The following ASB6 variants were observed in gnomAD, a reference collection of about 807,000 sequenced individuals.
ASB6 encodes ankyrin repeat and SOCS box containing 6, also known as ankyrin repeat and SOCS box protein 6.
Under a neutral mutation model 28.6 loss-of-function variants are expected in ASB6, and 24 were observed. That is an observed-to-expected ratio of 0.84 (90% CI 0.61 to 1.18). ASB6 has a LOEUF of 1.18. Among genes scored for constraint, ASB6 ranks in the 50% most tolerant of loss-of-function variants. ASB6 has a pLI of 0.00. For missense variants in ASB6, 519 were observed against 559.8 expected (o/e 0.93, Z 0.74); for synonymous variants, 267 against 243.4 (o/e 1.10, Z -0.90).
intron 2 of ASB6, 69 bp downstream of exon 2, chr9:129,640,472 G>T: frequency 6.5e-7 from 1 of 1,538,118 alleles, no homozygotes. Flanking sequence ...CCAAGGCTGG[G>T]GACATGGGCG....
Position 129,637,904 on chromosome 9 carries a change from C to T in ASB6, c.1152G>A (p.Arg384=). The change falls in exon 6 of 6, where the codon CGG becomes CGA. Residue 384 remains arginine, a synonymous_variant. Transcript: ENST00000277458. ...CCACAGGCCACGGCTGAAGGTAGAG[C>T]CGGATGGCCACACGGCACAGGTGCT... ...PLKHLCRVAI[R]LYLQPWPVDV... The T allele has an allele frequency of 6.3e-7, 1 of 1,579,930 alleles. No individual in the cohort carries two copies. The highest frequency in any genetic ancestry group is 1.2e-5 in the South Asian group (1 of 85,286).
Position 129,635,544 on chromosome 9 carries a change from C to A in ASB6, c.*2246G>T. The stretch of plus-strand genomic sequence containing the variant: ...AGCTGGGCAAGATCCAGGCGCCACG[C>A]TGGCGGTTCGTGAGTGTCGAGGCAC... On this transcript the variant is annotated 3_prime_UTR_variant, in exon 6 of 6. Coordinates refer to ENST00000277458, the MANE Select transcript of ASB6 (RefSeq NM_017873.4). 6.6e-7 allele frequency: 1 copy of A among 1,510,018 alleles called. No homozygotes were observed. Among genetic ancestry groups the A allele is most frequent in the African/African-American group, 1.4e-5 (1 of 72,668 alleles). 93.5% of individuals were successfully genotyped at this position (1,510,018 alleles called of 1,614,324 possible).
At chr9:129,639,541 A>G (rs1446960828) in intron 2 of ASB6, 33 bp from the exon 3 acceptor site, 1 of 1,581,618 alleles carries the variant, frequency 6.3e-7, no homozygotes, top group Admixed American at 1.7e-5. Context: ...TGTGGGTCCT[A>G]TCTGTCCGCA....
Position 129,637,698 on chromosome 9 carries a change from A to T in ASB6, c.*92T>A. On this transcript the variant is annotated 3_prime_UTR_variant, in exon 6 of 6. Transcript: ENST00000277458. ...TGAAGGATCCCGTCTCATCTCCCAGATCAAAAAGACCCTCTTCTAATGCTG... is the reference window on the plus strand; with the variant it reads ...TGAAGGATCCCGTCTCATCTCCCAGTTCAAAAAGACCCTCTTCTAATGCTG... 7.6e-7 allele frequency: 1 copy of T among 1,310,642 alleles called. No individual in the cohort carries two copies. Among genetic ancestry groups the T allele is most frequent in the Non-Finnish European group, 1.0e-6 (1 of 984,144 alleles). 81.2% of individuals were successfully genotyped at this position (1,310,642 alleles called of 1,614,324 possible).
Position 129,638,426 on chromosome 9 carries a change from C to T in ASB6, c.630G>A (p.Gly210=). The change falls in exon 6 of 6, where the codon GGG becomes GGA. Residue 210 remains glycine, a synonymous_variant. Coordinates refer to ENST00000277458, the MANE Select transcript of ASB6 (RefSeq NM_017873.4). ...GADVKATTKD[G]DTVFTCIIFL... is the part of the protein sequence containing the mutation. ...AGATGATGCAGGTGAACACTGTGTC[C>T]CCATCTTTGGTGGTGGCCTTGACGT... The T allele has an allele frequency of 1.2e-6, 2 of 1,612,264 alleles. No individual in the cohort carries two copies. Among genetic ancestry groups the T allele is most frequent in the Non-Finnish European group, 1.7e-6 (2 of 1,178,770 alleles).
chr9:129,638,326 G>A lies in ASB6; in HGVS notation c.730C>T (p.Arg244Trp), dbSNP rs978834732. ...TCGGCCCCGTGTGCCAGCAGCAGCC[G>A]TGTGACTTGGAAGCAGAAGCGGTTG... ...MINRFCFQVT[R>W]LLLAHGADPS... is the part of the protein sequence containing the mutation. Residue 244 changes from arginine (R) to tryptophan (W), a missense_variant, in exon 6 of 6, where the codon CGG becomes TGG. Physicochemically the swap from Arg to Trp is moderately radical, Grantham distance 101. Transcript: ENST00000277458. 15 of 1,612,822 alleles carry A rather than the reference G, an allele frequency of 9.3e-6. No individual in the cohort carries two copies. The highest frequency in any genetic ancestry group is 1.3e-5 in the African/African-American group (1 of 75,032).
At chr9:129,641,547 T>C (rs183390390) in intron 1 of ASB6, among the ~76,000 whole-genome samples, 1 of 152,330 alleles carries the variant, frequency 6.6e-6, no homozygotes, top group Admixed American at 6.5e-5. Flanking sequence ...CACACTGCTC[T>C]GGGGTAACAT....
At position 129,638,264 on chromosome 9, in the gene ASB6, G is replaced by A; in HGVS notation, c.792C>T (p.His264=). 6.2e-7 allele frequency: 1 copy of A among 1,613,526 alleles called. No individual in the cohort carries two copies. Among genetic ancestry groups the A allele is most frequent in the Non-Finnish European group, 8.5e-7 (1 of 1,180,016 alleles). The stretch of plus-strand genomic sequence containing the variant: ...GCAGTTTAAAGCTCTTCAGGCAGAT[G>A]TGGGTGAGGGACTCGTGGGCTGGGC... The part of the protein sequence containing the change: ...SECPAHESLT[H]ICLKSFKLHF... The change falls in exon 6 of 6, where the codon CAC becomes CAT. Residue 264 remains histidine, a synonymous_variant. Transcript: ENST00000277458.
chr9:129,638,591 G>C lies in ASB6; in HGVS notation c.580C>G (p.Arg194Gly), dbSNP rs761792727. 9 of 1,614,000 alleles carry C rather than the reference G, an allele frequency of 5.6e-6. No individual in the cohort carries two copies. In the South Asian group the frequency reaches 8.8e-5, roughly 16 times the overall value. ...GVQIHNTENI[R>G]LLLEGGADVK... ...GCCTCACCTCCTTCCAGTAAGAGAC[G>C]AATGTTCTCAGTATTGTGGATCTGC... The change falls in exon 5 of 6, where the codon CGT becomes GGT. Residue 194 changes from arginine to glycine, a missense_variant. Physicochemically the swap from Arg to Gly is moderately radical, Grantham distance 125. Coordinates refer to ENST00000277458, the MANE Select transcript of ASB6 (RefSeq NM_017873.4).
rs1831446679 is a variant in ASB6, at chr9:129,635,018, T to C, written c.*2772A>G. 3.0e-6 allele frequency: 2 copies of C among 668,872 alleles called. No homozygotes were observed. Among genetic ancestry groups the C allele is most frequent in the Non-Finnish European group, 5.0e-6 (2 of 399,516 alleles). 41.4% of individuals were successfully genotyped at this position (668,872 alleles called of 1,614,324 possible). On this transcript the variant is annotated 3_prime_UTR_variant, in exon 6 of 6. Transcript: ENST00000277458. ...AATGTGTCTTTAGGTAGATGACCTC[T>C]GAGCCACAGTTTCCTATTCTATGAA...
Position 129,638,262 on chromosome 9 carries a change from A to G in ASB6, c.794T>C (p.Ile265Thr). The G allele has an allele frequency of 6.2e-7, 1 of 1,613,554 alleles. No individual in the cohort carries two copies. Among genetic ancestry groups the G allele is most frequent in the African/African-American group, 1.3e-5 (1 of 75,040 alleles). The change falls in exon 6 of 6, where the codon ATC (isoleucine) becomes ACC (threonine). Residue 265 changes from isoleucine (I) to threonine (T), a missense_variant. Transcript: ENST00000277458. The stretch of plus-strand genomic sequence containing the variant: ...GTGCAGTTTAAAGCTCTTCAGGCAG[A>G]TGTGGGTGAGGGACTCGTGGGCTGG... ...ECPAHESLTH[I>T]CLKSFKLHFP... is the part of the protein sequence containing the mutation.
chr9:129,637,750 T>G lies in ASB6; in HGVS notation c.*40A>C, dbSNP rs1831589933. On this transcript the variant is annotated 3_prime_UTR_variant, in exon 6 of 6. Coordinates refer to ENST00000277458, the MANE Select transcript of ASB6 (RefSeq NM_017873.4). ...CCCAGCATCTACCAACAGGCTGACCTGAGCTGCCCGTGTCCCCCGTTCCTG... is the reference window on the plus strand; with the variant it reads ...CCCAGCATCTACCAACAGGCTGACCGGAGCTGCCCGTGTCCCCCGTTCCTG... 8 of 1,475,716 alleles carry G rather than the reference T, an allele frequency of 5.4e-6. No individual in the cohort carries two copies. The East Asian group carries it at 1.9e-4, about 34-fold the overall frequency. 91.4% of individuals were successfully genotyped at this position (1,475,716 alleles called of 1,614,324 possible).
intron 4 of ASB6, 28 bp from the exon 5 acceptor site, chr9:129,638,687 G>T (rs1456670702): frequency 6.3e-7 from 1 of 1,595,450 alleles, no homozygotes; most frequent in Non-Finnish European, 8.6e-7. Context: ...GCAAGGAGGA[G>T]CAGGAGGCCA....
rs1253547512 is a variant in ASB6 at position 129,636,619 on chromosome 9, C to G, written c.*1171G>C. On this transcript the variant is annotated 3_prime_UTR_variant, in exon 6 of 6. Coordinates refer to ENST00000277458, the MANE Select transcript of ASB6 (RefSeq NM_017873.4). ...GGCTGAGGCAGGAGAACTGCTTGAA[C>G]CTGGGAGGCAGAGGTCGCAGTGAGC... The G allele has an allele frequency of 6.6e-6, 1 of 152,076 alleles. No individual in the cohort carries two copies. The highest frequency in any genetic ancestry group is 2.4e-5 in the African/African-American group (1 of 41,396). The allele number at this position is 152,076 out of a possible 1,614,324, so 9.4% of individuals were successfully genotyped here. A position where few individuals can be genotyped will look rare whatever the true frequency, so the allele number is the denominator to read the frequency against.
In ASB6 at chr9:129,637,085, G is replaced by C. The variant is rs1831574664; in HGVS notation, c.*705C>G. The C allele has an allele frequency of 6.6e-6, 1 of 152,198 alleles. No homozygotes were observed. The highest frequency in any genetic ancestry group is 2.1e-4 in the South Asian group (1 of 4,830). The allele number at this position is 152,198 out of a possible 1,614,324, so 9.4% of individuals were successfully genotyped here. ...CCCTCACAACAGGAGACACTTCAGA[G>C]AGGTCTGTCCCCAGCCACGCACTCA... On this transcript the variant is annotated 3_prime_UTR_variant, in exon 6 of 6. Transcript: ENST00000277458.
Position 129,635,306 on chromosome 9 carries a change from G to A in ASB6, c.*2484C>T. On this transcript the variant is annotated 3_prime_UTR_variant, in exon 6 of 6. Coordinates refer to ENST00000277458, the MANE Select transcript of ASB6 (RefSeq NM_017873.4). ...CGTCATCAAAGACAACATGGCCCAG[G>A]AGGGCGTGATTCTGGACGACGTGGA... 6.2e-7 allele frequency: 1 copy of A among 1,613,840 alleles called. No homozygotes were observed. The highest frequency in any genetic ancestry group is 1.3e-5 in the African/African-American group (1 of 75,082).
Position 129,635,591 on chromosome 9 carries a change from G to A in ASB6, c.*2199C>T, listed in dbSNP as rs1831506210. The A allele has an allele frequency of 1.3e-5, 15 of 1,166,166 alleles. No individual in the cohort carries two copies. Among genetic ancestry groups the A allele is most frequent in the South Asian group, 6.0e-5 (4 of 67,196 alleles). 72.2% of individuals were successfully genotyped at this position (1,166,166 alleles called of 1,614,324 possible). ...GCACCACTAAATATAGCTGTCTGCC[G>A]TCCACTCATTATGCGGGCTCTTCTT... On this transcript the variant is annotated 3_prime_UTR_variant, in exon 6 of 6. Transcript: ENST00000277458.
At chr9:129,641,188 A>G (rs1315349437) in intron 1 of ASB6, 1 of 166,372 alleles carries the variant, frequency 6.0e-6, no homozygotes, top group Non-Finnish European at 1.3e-5. Flanking sequence ...CCTTCAGCTG[A>G]TATTGATGAA....
chr9:129,638,331 A>G lies in ASB6; in HGVS notation c.725T>C (p.Val242Ala). The change falls in exon 6 of 6, where the codon GTC becomes GCC. Residue 242 changes from valine to alanine, a missense_variant. Transcript: ENST00000277458. Reference sequence around the variant, plus strand: ...CCCGTGTGCCAGCAGCAGCCGTGTGACTTGGAAGCAGAAGCGGTTGATCAT... The same window carrying G: ...CCCGTGTGCCAGCAGCAGCCGTGTGGCTTGGAAGCAGAAGCGGTTGATCAT... ...AQMINRFCFQVTRLLLAHGAD... is the reference protein window; with the variant it reads ...AQMINRFCFQATRLLLAHGAD... The G allele has an allele frequency of 6.2e-7, 1 of 1,612,900 alleles. No individual in the cohort carries two copies. The highest frequency in any genetic ancestry group is 8.5e-7 in the Non-Finnish European group (1 of 1,180,022).
Sources: gnomAD v4.1 joint callset for allele counts (sites outside exome capture counted in the v4.1 genomes callset) on GRCh38, gnomAD v4.1.1 for gene constraint, MANE v1.5 for transcripts, NCBI Gene and HGNC (gene_info 2026-07-23, HGNC 2026-07-21) for gene names.